MRPL16: variants seen among roughly 807,000 people sequenced by gnomAD.
MRPL16 encodes large ribosomal subunit protein uL16m.
In MRPL16, 17 loss-of-function variants were observed where a neutral mutation model predicts 22.7. The observed-to-expected ratio is 0.75, with a 90% CI of 0.51 to 1.12. The LOEUF is 1.12. Ranked by LOEUF, MRPL16 falls within the 50% of genes most tolerant of loss-of-function variation. MRPL16 has a pLI of 0.00. For synonymous variants in MRPL16, 103 were observed against 112.8 expected (o/e 0.91, Z 0.55); for missense variants, 316 against 328.7 (o/e 0.96, Z 0.30).
At chr11:59,810,473 C>T in intron 1 of MRPL16, 131 bp downstream of exon 1, 2 of 1,501,180 alleles carry the variant, frequency 1.3e-6, no homozygotes, top group Non-Finnish European at 9.0e-7. Flanking sequence ...GTCGGCGGTG[C>T]GATAGCGTAG....
chr11:59,806,328 C>A lies in MRPL16; in HGVS notation c.*19G>T. 8 of 1,609,046 alleles carry A rather than the reference C, an allele frequency of 5.0e-6. No homozygotes were observed. The highest frequency in any genetic ancestry group is 6.8e-6 in the Non-Finnish European group (8 of 1,176,264). On this transcript the variant is annotated 3_prime_UTR_variant, in exon 4 of 4. Coordinates refer to ENST00000300151, the MANE Select transcript of MRPL16 (RefSeq NM_017840.4). The stretch of plus-strand genomic sequence containing the variant: ...AATCCTTCTTTCAGTAGCCTATATA[C>A]AGTTATCTCCTACACTCACTACACA...
chr11:59,809,657 AC>A, intron 2 of MRPL16, 197 bp downstream of exon 2: 1 of 587,568 alleles, frequency 1.7e-6, no homozygotes, highest in East Asian at 3.2e-5. Flanking sequence ...AGAGCAAGGA[AC>A]TTTTTTGGTT....
intron 1 of MRPL16, chr11:59,810,278 C>T: frequency 3.2e-6 from 4 of 1,247,226 alleles, no homozygotes; most frequent in South Asian, 2.1e-5. Flanking sequence ...CAAAGTGCTG[C>T]TATTAAAGGC....
rs1217439903 is a variant in MRPL16, at chr11:59,806,175, TAC to T, written c.*170_*171del. On this transcript the variant is annotated 3_prime_UTR_variant, in exon 4 of 4. Coordinates refer to ENST00000300151, the MANE Select transcript of MRPL16 (RefSeq NM_017840.4). ...ATGTTTAAATTTTATTTAATAAAAA[TAC>T]AGTTTTCTTTTTAAATCAACAAATA... The T allele has an allele frequency of 4.4e-6, 3 of 674,324 alleles. No homozygotes were observed. The highest frequency in any genetic ancestry group is 3.0e-5 in the Admixed American group (1 of 33,612). 41.8% of individuals were successfully genotyped at this position (674,324 alleles called of 1,614,324 possible).
At chr11:59,810,298 C>T in intron 1 of MRPL16, 2 of 1,276,824 alleles carry the variant, frequency 1.6e-6, no homozygotes, top group Non-Finnish European at 2.0e-6. Context: ...CGTGAGCCAC[C>T]GCGCCCGCCC....
intron 3 of MRPL16, 176 bp downstream of exon 3, chr11:59,807,524 AT>A: frequency 1.9e-6 from 1 of 530,932 alleles, no homozygotes; most frequent in East Asian, 3.1e-5. Context: ...AAAAAAAGAT[AT>A]ATAACCCAAA....
chr11:59,806,903 C>T lies in MRPL16; in HGVS notation c.271-71G>A, dbSNP rs916176811. ...CATCTATGGGCTCATTATTTTGTCT[C>T]TTCTAGTAACTGTGGCTTCAATGAT... On this transcript the variant is annotated intron_variant, in intron 3 of 3. Coordinates refer to ENST00000300151, the MANE Select transcript of MRPL16 (RefSeq NM_017840.4). The T allele has an allele frequency of 2.6e-6, 4 of 1,523,286 alleles. No homozygotes were observed. In the African/African-American group the frequency reaches 4.2e-5, roughly 16 times the overall value. The allele number at this position is 1,523,286 out of a possible 1,614,324, so 94.4% of individuals were successfully genotyped here. A position where few individuals can be genotyped will look rare whatever the true frequency, so the allele number is the denominator to read the frequency against.
intron 2 of MRPL16, 146 bp downstream of exon 2, chr11:59,809,709 T>G (rs1866153628): frequency 1.3e-6 from 1 of 786,924 alleles, no homozygotes; most frequent in Non-Finnish European, 2.0e-6. Context: ...AGAATATTAG[T>G]TGGCAAAACT....
chr11:59,809,632 A>AAG, intron 2 of MRPL16: 2 of 514,974 alleles, frequency 3.9e-6, no homozygotes, highest in Non-Finnish European at 6.8e-6. Context: ...CTATCTCATT[A>AAG]GACGCTGCTC....
chr11:59,807,315 C>T (rs576341395), intron 3 of MRPL16: 28 of 181,692 alleles, frequency 1.5e-4, no homozygotes, highest in Middle Eastern at 2.6e-3. Context: ...AATCCTAGTG[C>T]ACACCCATTT....
chr11:59,810,535 G>A (rs1475367241), intron 1 of MRPL16, 69 bp downstream of exon 1: 4 of 1,603,882 alleles, frequency 2.5e-6, no homozygotes, highest in Non-Finnish European at 3.4e-6. Context: ...TTGGGTTAGG[G>A]AGAAAAAGCA....
In MRPL16 at chr11:59,806,597, A is replaced by T. The variant is rs1866097108; in HGVS notation, c.506T>A (p.Phe169Tyr). The change falls in exon 4 of 4, where the codon TTT (phenylalanine) becomes TAT (tyrosine). Residue 169 changes from phenylalanine (F) to tyrosine (Y), a missense_variant. Transcript: ENST00000300151. ...LVVEMGGRCEFEEVQGFLDQV... is the reference protein window; with the variant it reads ...LVVEMGGRCEYEEVQGFLDQV... ...GTCAAGGAAACCTTGCACTTCTTCAAATTCACAACGCCCACCCATCTCTAC... is the reference window on the plus strand; with the variant it reads ...GTCAAGGAAACCTTGCACTTCTTCATATTCACAACGCCCACCCATCTCTAC... 2 of 1,614,110 alleles carry T rather than the reference A, an allele frequency of 1.2e-6. No individual in the cohort carries two copies. Among genetic ancestry groups the T allele is most frequent in the African/African-American group, 2.7e-5 (2 of 74,926 alleles).
At chr11:59,809,688 T>C in intron 2 of MRPL16, 167 bp downstream of exon 2, 1 of 695,676 alleles carries the variant, frequency 1.4e-6, no homozygotes, top group Non-Finnish European at 2.4e-6. Context: ...TTTGATTTAT[T>C]TCTAGTGCTC....
In MRPL16 at chr11:59,810,325, G is replaced by C. The variant is rs551212101; in HGVS notation, c.55+279C>G. 141 of 1,310,962 alleles carry C rather than the reference G, an allele frequency of 1.1e-4. 1 individual carries two copies. The highest frequency in any genetic ancestry group is 2.9e-4 in the Middle Eastern group (1 of 3,474). The allele number at this position is 1,310,962 out of a possible 1,614,324, so 81.2% of individuals were successfully genotyped here. On this transcript the variant is annotated intron_variant, in intron 1 of 3. Transcript: ENST00000300151. The stretch of plus-strand genomic sequence containing the variant: ...CGCCCGCCCAAAAGTACTTCCGCCG[G>C]AGGAGTCTTGAGGTGTGGGATGCGG...
intron 3 of MRPL16, 64 bp from the exon 4 acceptor site, chr11:59,806,896 T>C: frequency 1.3e-6 from 2 of 1,543,894 alleles, no homozygotes; most frequent in Admixed American, 1.9e-5. Context: ...GGCTCATTAT[T>C]TTGTCTCTTC....
At position 59,806,404 on chromosome 11, in the gene MRPL16, A is replaced by G; in HGVS notation, c.699T>C (p.Tyr233=). 2 of 1,614,232 alleles carry G rather than the reference A, an allele frequency of 1.2e-6. No homozygotes were observed. The highest frequency in any genetic ancestry group is 2.2e-5 in the South Asian group (2 of 91,086). ...MLGIRKVLSP[Y]DLTHKGKYWG... ...AGTATTTCCCCTTGTGGGTCAAGTC[A>G]TATGGGCTCAGTACTTTCCGTATGC... Residue 233 remains tyrosine (Y), a synonymous_variant, in exon 4 of 4, where the codon TAT becomes TAC. Transcript: ENST00000300151.
chr11:59,807,509 A>T (rs558750346), intron 3 of MRPL16, 192 bp downstream of exon 3: 1,640 of 155,590 alleles, frequency 0.011, 4 homozygotes, highest in Non-Finnish European at 0.016. Flanking sequence ...ACTCTACATT[A>T]AAAAAAAAAA....
intron 3 of MRPL16, 182 bp downstream of exon 3, chr11:59,807,519 A>G: frequency 2.0e-6 from 1 of 507,112 alleles, no homozygotes; most frequent in Non-Finnish European, 3.3e-6. Context: ...AAAAAAAAAA[A>G]AGATATATAA....
Position 59,806,670 on chromosome 11 carries a change from C to T in MRPL16, c.433G>A (p.Gly145Ser). The T allele has an allele frequency of 1.2e-6, 2 of 1,614,190 alleles. No homozygotes were observed. The highest frequency in any genetic ancestry group is 1.7e-6 in the Non-Finnish European group (2 of 1,180,040). The change falls in exon 4 of 4, where the codon GGT (glycine) becomes AGT (serine). Residue 145 changes from glycine to serine, a missense_variant. By Grantham distance (56) the Gly-to-Ser change is moderately conservative. Transcript: ENST00000300151. ...GGTGTCACGTAGTGGTCAATAGCACCTTTGCCTCCCCCCATGCGATGCCCA... is the reference window on the plus strand; with the variant it reads ...GGTGTCACGTAGTGGTCAATAGCACTTTTGCCTCCCCCCATGCGATGCCCA... ...SVGHRMGGGKGAIDHYVTPVK... is the reference protein window; with the variant it reads ...SVGHRMGGGKSAIDHYVTPVK...
Sources: gnomAD v4.1 joint callset for allele counts on GRCh38, gnomAD v4.1.1 for gene constraint, MANE v1.5 for transcripts, NCBI Gene and HGNC (gene_info 2026-07-23, HGNC 2026-07-21) for gene names.